GRIP2: variants seen among roughly 807,000 people sequenced by gnomAD.
GRIP2 encodes the protein glutamate receptor-interacting protein 2.
In GRIP2, 58 loss-of-function variants were observed where a neutral mutation model predicts 108.3. The observed-to-expected ratio is 0.54, with a 90% CI of 0.43 to 0.67. The LOEUF is 0.67. Among genes scored for constraint, GRIP2 ranks in the 30% least tolerant of loss-of-function variants. The pLI, the probability that GRIP2 is intolerant of heterozygous loss-of-function variation, is 0.00. For missense variants in GRIP2, 1,278 were observed against 1,430.6 expected (o/e 0.89, Z 1.72); for synonymous variants, 586 against 598.2 (o/e 0.98, Z 0.30).
intron 1 of GRIP2, among the ~76,000 whole-genome samples, chr3:14,535,670 C>T (rs1024548002): frequency 2.0e-5 from 3 of 152,156 alleles, no homozygotes; most frequent in African/African-American, 4.8e-5. Flanking sequence ...GAACCCAGGC[C>T]TAATGAGGCA....
At chr3:14,551,024 G>T (rs1256850967) in intron 1 of GRIP2, among the ~76,000 whole-genome samples, 1 of 152,224 alleles carries the variant, frequency 6.6e-6, no homozygotes, top group Non-Finnish European at 1.5e-5. Flanking sequence ...GTGAGTGAGC[G>T]GGAGGGGGGA....
chr3:14,496,448 A>G lies in GRIP2; in HGVS notation c.2792T>C (p.Leu931Pro). 1 of 1,612,818 alleles carries G rather than the reference A, an allele frequency of 6.2e-7. No homozygotes were observed. The highest frequency in any genetic ancestry group is 8.5e-7 in the Non-Finnish European group (1 of 1,179,402). ...VRASPAEMEELLLPTPLEMHK... is the reference protein window; with the variant it reads ...VRASPAEMEEPLLPTPLEMHK... ...CATCTCCAAGGGTGTAGGCAGCAAC[A>G]GCTCCTCCATTTCTGCAGGAGAGGC... Residue 931 changes from leucine (L) to proline (P), a missense_variant, in exon 22 of 24, where the codon CTG becomes CCG. Physicochemically the swap from Leu to Pro is moderately conservative, Grantham distance 98. Coordinates refer to ENST00000621039, the MANE Select transcript of GRIP2 (RefSeq NM_001080423.4).
chr3:14,507,003 A>G lies in GRIP2; in HGVS notation c.2219-23T>C, dbSNP rs959467681. On this transcript the variant is annotated intron_variant, in intron 18 of 23. Transcript: ENST00000621039. The surrounding 1 kb of genome is among the most constrained non-coding windows in gnomAD (Gnocchi z 4.6). ...GACCTGGGAGGAGAGAGGGGTGTCA[A>G]TTCTGACTTCAGAGACACTCACAGT... 4 of 1,570,634 alleles carry G rather than the reference A, an allele frequency of 2.5e-6. No individual in the cohort carries two copies. In the South Asian group the frequency reaches 3.5e-5, roughly 14 times the overall value.
the GRIP2 span, chr3:14,572,833 G>A: frequency 9.5e-7 from 1 of 1,051,844 alleles, no homozygotes; most frequent in South Asian, 1.3e-5. Flanking sequence ...CATGGTCCCT[G>A]GAGCCCGCAG....
At chr3:14,582,039 G>C in the GRIP2 span, among the ~76,000 whole-genome samples, 1 of 152,166 alleles carries the variant, frequency 6.6e-6, no homozygotes, top group Non-Finnish European at 1.5e-5. Context: ...CAGGCTAGGG[G>C]AGACGAGAGA....
At chr3:14,549,590 G>A (rs1695111620) in intron 1 of GRIP2, among the ~76,000 whole-genome samples, 1 of 152,236 alleles carries the variant, frequency 6.6e-6, no homozygotes, top group Admixed American at 6.5e-5. Flanking sequence ...TGACCATGCT[G>A]GACAGACATC....
chr3:14,552,650 T>G (rs74669163), intron 1 of GRIP2, among the ~76,000 whole-genome samples: 236 of 133,850 alleles, frequency 1.8e-3, no homozygotes, highest in African/African-American at 6.3e-3. Context: ...TTTTTTTTTT[T>G]GGCACAGTCT....
chr3:14,551,230 C>T (rs944516089), intron 1 of GRIP2, among the ~76,000 whole-genome samples: 3 of 152,184 alleles, frequency 2.0e-5, no homozygotes, highest in South Asian at 2.1e-4. Flanking sequence ...GCCTTCACAA[C>T]GATCTGGACA....
chr3:14,516,927 A>G (rs1694263520), intron 11 of GRIP2, 137 bp downstream of exon 11: 2 of 773,866 alleles, frequency 2.6e-6, no homozygotes, highest in Admixed American at 4.1e-5. Context: ...TGTTCCACTC[A>G]TGTTATTTAA....
the GRIP2 span, among the ~76,000 whole-genome samples, chr3:14,592,364 G>A: frequency 2.0e-5 from 3 of 152,210 alleles, no homozygotes; most frequent in East Asian, 1.9e-4. Context: ...CCCCGAGGCC[G>A]AGTCTCCTGC....
At chr3:14,578,347 G>A in the GRIP2 span, among the ~76,000 whole-genome samples, 700 of 152,298 alleles carry the variant, frequency 4.6e-3, 8 homozygotes, top group African/African-American at 0.016. Context: ...CTGGGAAATA[G>A]GGATAATATC....
chr3:14,513,073 G>A (rs1209469169), intron 13 of GRIP2, among the ~76,000 whole-genome samples: 1 of 152,166 alleles, frequency 6.6e-6, no homozygotes, highest in Middle Eastern at 3.2e-3. Context: ...GACCAGAGTC[G>A]GGGCTGGAAC....
chr3:14,493,904 T>C (rs1221290866), intron 23 of GRIP2, 78 bp from the exon 24 acceptor site: 1 of 1,489,268 alleles, frequency 6.7e-7, no homozygotes, highest in Non-Finnish European at 9.1e-7. Flanking sequence ...GCATGTGATG[T>C]CCTAAAGATG....
intron 1 of GRIP2, chr3:14,531,218 T>C (rs1694703163): frequency 6.6e-6 from 1 of 152,232 alleles, no homozygotes; most frequent in African/African-American, 2.4e-5. Context: ...ACTTTATGCC[T>C]TTCATTTCTC....
chr3:14,564,419 C>G, the GRIP2 span, among the ~76,000 whole-genome samples: 1 of 152,214 alleles, frequency 6.6e-6, no homozygotes, highest in African/African-American at 2.4e-5. Context: ...CCACTCTGAC[C>G]CCAGGCTCCC....
the GRIP2 span, among the ~76,000 whole-genome samples, chr3:14,588,916 G>A: frequency 2.6e-5 from 4 of 152,116 alleles, no homozygotes; most frequent in Admixed American, 6.5e-5. Context: ...GCCTCATGGC[G>A]GGCCCCTCAC....
chr3:14,591,247 C>G, the GRIP2 span, among the ~76,000 whole-genome samples: 1 of 152,220 alleles, frequency 6.6e-6, no homozygotes, highest in East Asian at 1.9e-4. Context: ...AGACAGAATT[C>G]CACGCTCCTT....
At chr3:14,542,220 G>C, upstream of GRIP2, 1 of 426,364 alleles carries the variant, frequency 2.3e-6, no homozygotes, top group Non-Finnish European at 4.0e-6. Context: ...CAGTGGCGCA[G>C]TCTCCACTCA....
chr3:14,515,827 C>T (rs1338507006), intron 11 of GRIP2, among the ~76,000 whole-genome samples: 8 of 151,836 alleles, frequency 5.3e-5, no homozygotes, highest in African/African-American at 1.9e-4. Context: ...GATGGAGTTT[C>T]GCCATGTTGG....
Sources: gnomAD v4.1 joint callset for allele counts (sites outside exome capture counted in the v4.1 genomes callset) on GRCh38, gnomAD v4.1.1 for gene constraint, Gnocchi (gnomAD v3.1) non-coding constraint, MANE v1.5 for transcripts, NCBI Gene and HGNC (gene_info 2026-07-23, HGNC 2026-07-21) for gene names.